Variants in TJP1 observed in about 807,000 individuals in gnomAD.
TJP1 encodes the protein tight junction protein ZO-1.
Under a neutral mutation model 194.2 loss-of-function variants are expected in TJP1, and 43 were observed. That is an observed-to-expected ratio of 0.22 (90% confidence interval 0.17 to 0.29). The LOEUF (loss-of-function observed/expected upper bound fraction) is 0.29, where lower values mean the gene tolerates loss of function less well. TJP1 is among the 10% of genes least tolerant of loss of function. The pLI, the probability that TJP1 is intolerant of heterozygous loss-of-function variation, is 1.00. For missense variants in TJP1, 1,971 were observed against 2,185.7 expected, an observed-to-expected ratio of 0.90 and a Z score of 1.96; for synonymous variants, 801 against 779.0, an observed-to-expected ratio of 1.03 and a Z score of -0.47.
intron 2 of TJP1, among the ~76,000 whole-genome samples, chr15:29,936,180 C>G (rs910073734): frequency 6.6e-5 from 10 of 152,034 alleles, no homozygotes; most frequent in African/African-American, 1.9e-4. Flanking sequence ...GCACCAGGGC[C>G]CTCCATTCTC....
intron 2 of TJP1, among the ~76,000 whole-genome samples, chr15:29,898,400 T>C (rs1246025646): frequency 6.6e-6 from 1 of 152,248 alleles, no homozygotes; most frequent in East Asian, 1.9e-4. Flanking sequence ...CTTGGATATG[T>C]CTTTATCTGC....
chr15:29,803,941 A>G (rs908584640), intron 1 of TJP1, among the ~76,000 whole-genome samples: 4 of 152,112 alleles, frequency 2.6e-5, no homozygotes, highest in Admixed American at 2.6e-4. Flanking sequence ...ATGAAACATC[A>G]AAAGAAGTGG....
At chr15:29,740,618 C>A (rs1485787303) in intron 10 of TJP1, among the ~76,000 whole-genome samples, 3 of 151,234 alleles carry the variant, frequency 2.0e-5, no homozygotes, top group Non-Finnish European at 4.4e-5. Flanking sequence ...GGCGACAGAG[C>A]AAGACCCTGT....
intron 15 of TJP1, chr15:29,729,495 C>G (rs1354554923): frequency 2.6e-5 from 4 of 152,038 alleles, no homozygotes; most frequent in African/African-American, 9.7e-5. Flanking sequence ...TGTTCTGATT[C>G]TTTAAATTAA....
chr15:29,859,887 G>A (rs1326075917), intron 2 of TJP1, among the ~76,000 whole-genome samples: 5 of 152,120 alleles, frequency 3.3e-5, no homozygotes, highest in South Asian at 2.1e-4. Flanking sequence ...TTTAGGAACC[G>A]GGATGTTTTC....
At chr15:29,909,787 G>A (rs1596238339) in intron 2 of TJP1, among the ~76,000 whole-genome samples, 1 of 152,022 alleles carries the variant, frequency 6.6e-6, no homozygotes, top group Non-Finnish European at 1.5e-5. Flanking sequence ...TTATGCACTC[G>A]GGCCAAGCTG....
Position 29,849,478 on chromosome 15 carries a change from C to T in TJP1, c.307-48776G>A, listed in dbSNP as rs144637996. On this transcript the variant is annotated intron_variant, in intron 2 of 28. Coordinates refer to the TJP1 transcript ENST00000356107. ...AAAAGACCAGGCATGGTGACTCATA[C>T]CTGTAATCCCAACATTTTGGGAGGC... Among the ~76,000 whole-genome samples, 507 of 150,506 alleles carry T rather than the reference C, an allele frequency of 3.4e-3. 5 individuals are homozygous for T. The highest frequency in any genetic ancestry group is 0.012 in the African/African-American group (482 of 41,030).
chr15:29,711,008 C>A lies in TJP1; in HGVS notation c.4203-8G>T. 1 of 1,559,150 alleles carries A rather than the reference C, an allele frequency of 6.4e-7. No homozygotes were observed. The highest frequency in any genetic ancestry group is 2.3e-5 in the East Asian group (1 of 43,460). On this transcript the variant is annotated splice_region_variant and splice_polypyrimidine_tract_variant and intron_variant, in intron 23 of 27. Transcript: ENST00000614355. ...GCTTCAGGAGGCTTTCCCCTGTTAA[C>A]AAATGAAGAAAATGCCAACACCTGA...
chr15:29,877,309 C>T (rs908996381), intron 2 of TJP1, among the ~76,000 whole-genome samples: 2 of 152,200 alleles, frequency 1.3e-5, no homozygotes, highest in Non-Finnish European at 2.9e-5. Flanking sequence ...CTCGACCTCC[C>T]GAGCTTGAGA....
At chr15:29,801,957 A>G (rs2048821039) in intron 1 of TJP1, among the ~76,000 whole-genome samples, 1 of 152,166 alleles carries the variant, frequency 6.6e-6, no homozygotes, top group South Asian at 2.1e-4. Context: ...GTTGGGCCGC[A>G]TGCGACCTGT....
In TJP1 at chr15:29,916,128, CCAGT is replaced by C. The variant is rs1466769105; in HGVS notation, c.306+40100_306+40103del. On this transcript the variant is annotated intron_variant, in intron 2 of 28. Coordinates refer to the TJP1 transcript ENST00000356107. ...GGCGTGGTGGCAGGCACCTGTAATCCCAGTTACTCGGGAGGCTGAGGCAGCAAAA... is the reference window on the plus strand; with the variant it reads ...GGCGTGGTGGCAGGCACCTGTAATCCTACTCGGGAGGCTGAGGCAGCAAAA... Among the ~76,000 whole-genome samples the C allele has an allele frequency of 5.9e-5, 9 of 151,778 alleles. No homozygotes were observed. In the South Asian group the frequency reaches 1.9e-3, roughly 32 times the overall value.
chr15:29,878,272 G>C (rs1056371758), intron 2 of TJP1, among the ~76,000 whole-genome samples: 5 of 151,898 alleles, frequency 3.3e-5, no homozygotes, highest in African/African-American at 9.7e-5. Flanking sequence ...GGATGGTCTC[G>C]ATCTCCTGAC....
At position 29,746,104 on chromosome 15, in the gene TJP1, C is replaced by T. The variant is rs546368638; in HGVS notation, c.1011-3323G>A. Among the ~76,000 whole-genome samples the T allele has an allele frequency of 6.6e-5, 10 of 152,262 alleles. No homozygotes were observed. The South Asian group carries it at 1.7e-3, about 25-fold the overall frequency. ...ACATGAAAACTTTAAAACGGCTGGG[C>T]GCAGTGGCTCACGCCTGTAATCCCA... On this transcript the variant is annotated intron_variant, in intron 8 of 27. Coordinates refer to ENST00000614355, the MANE Select transcript of TJP1 (RefSeq NM_001330239.4).
At chr15:29,747,336 CATTA>C (rs1307954511) in intron 8 of TJP1, among the ~76,000 whole-genome samples, 1 of 151,942 alleles carries the variant, frequency 6.6e-6, no homozygotes. Flanking sequence ...AATTTTTAGC[CATTA>C]CTTGTGTAAT....
At chr15:29,887,973 T>G (rs1182503556) in intron 2 of TJP1, among the ~76,000 whole-genome samples, 1 of 152,022 alleles carries the variant, frequency 6.6e-6, no homozygotes, top group Non-Finnish European at 1.5e-5. Flanking sequence ...AAGGAAACAA[T>G]CCACATATAA....
chr15:29,818,167 T>C (rs2050064859), intron 1 of TJP1, among the ~76,000 whole-genome samples: 1 of 152,222 alleles, frequency 6.6e-6, no homozygotes, highest in African/African-American at 2.4e-5. Flanking sequence ...TTCCCGAGAC[T>C]TAACAAAAAC....
At chr15:29,790,768 T>TC (rs2048025933) in intron 2 of TJP1, among the ~76,000 whole-genome samples, 1 of 151,128 alleles carries the variant, frequency 6.6e-6, no homozygotes, top group South Asian at 2.1e-4. Flanking sequence ...TTTTTTTTTT[T>TC]AGTTCCCACG....
intron 2 of TJP1, among the ~76,000 whole-genome samples, chr15:29,785,037 G>A (rs2047613181): frequency 6.6e-6 from 1 of 152,170 alleles, no homozygotes; most frequent in African/African-American, 2.4e-5. Flanking sequence ...CAAAAGAAAT[G>A]GAAAATGTGC....
At chr15:29,731,537 C>A (rs1399584331) in intron 15 of TJP1, among the ~76,000 whole-genome samples, 2 of 152,176 alleles carry the variant, frequency 1.3e-5, no homozygotes, top group African/African-American at 4.8e-5. Flanking sequence ...GTTTCACTTC[C>A]TGAAAGTCAG....
Sources: allele counts gnomAD v4.1 joint callset (sites outside exome capture counted in the v4.1 genomes callset), GRCh38; gene constraint gnomAD v4.1.1; transcripts MANE v1.5; gene names NCBI Gene and HGNC (gene_info 2026-07-23, HGNC 2026-07-21).